Variants in CYFIP1 observed in about 807,000 individuals in gnomAD.
CYFIP1 encodes the protein cytoplasmic FMR1-interacting protein 1.
In CYFIP1, 58 loss-of-function variants were observed where a neutral mutation model predicts 163.5. The observed-to-expected ratio is 0.35, with a 90% CI of 0.29 to 0.44. The LOEUF (loss-of-function observed/expected upper bound fraction) is 0.44, where lower values mean the gene tolerates loss of function less well. Ranked by LOEUF, CYFIP1 falls within the 20% of genes least tolerant of loss-of-function variation. The probability of loss-of-function intolerance (pLI) is 1.00; values close to 1 mark genes in which losing one functional copy is unlikely to be tolerated. For synonymous variants in CYFIP1, 663 were observed against 660.7 expected (o/e 1.00, Z -0.05); for missense variants, 1,338 against 1,653.8 (o/e 0.81, Z 3.31).
chr15:22,876,534 A>G (rs1486808417), intron 26 of CYFIP1, among the ~76,000 whole-genome samples: 1 of 152,064 alleles, frequency 6.6e-6, no homozygotes, highest in Admixed American at 6.5e-5. Flanking sequence ...ATAGAACCAC[A>G]AGAGTTTGTT....
rs186652794 is a variant in CYFIP1 at position 22,962,264 on chromosome 15, C to T, written c.-6-14973G>A. Among the ~76,000 whole-genome samples, 6 of 151,646 alleles carry T rather than the reference C, an allele frequency of 4.0e-5. No homozygotes were observed. In the East Asian group the frequency reaches 1.2e-3, roughly 29 times the overall value. ...TAGTAATGTTTAATGATGTCAAAGA[C>T]GTGCGAACTCACTGCCCACACCGAA... is the stretch of plus-strand genomic sequence containing the variant. On this transcript the variant is annotated intron_variant, in intron 1 of 30. Coordinates refer to ENST00000617928, the MANE Select transcript of CYFIP1 (RefSeq NM_014608.6).
rs772456133 is a variant in CYFIP1 at position 22,914,840 on chromosome 15, C to A, written c.1871G>T (p.Arg624Leu). Residue 624 changes from arginine to leucine, a missense_variant, in exon 17 of 31, where the codon CGA becomes CTA. Transcript: ENST00000617928. ...CATGGTCAGCTCCAGGAAGAACTCT[C>A]GGAACCACAGCTGCGAAAGGTCACA... is the stretch of plus-strand genomic sequence containing the variant. ...QCCDLSQLWF[R>L]EFFLELTMGR... The A allele has an allele frequency of 6.2e-7, 1 of 1,613,520 alleles. No individual in the cohort carries two copies. Among genetic ancestry groups the A allele is most frequent in the Non-Finnish European group, 8.5e-7 (1 of 1,179,782 alleles).
chr15:22,971,001 G>A (rs542822714), intron 1 of CYFIP1, among the ~76,000 whole-genome samples: 9 of 152,092 alleles, frequency 5.9e-5, no homozygotes, highest in East Asian at 3.9e-4. Flanking sequence ...GCTTGAACCC[G>A]GGAGGCGGAG....
At chr15:22,979,043 T>C (rs1313618846) in intron 1 of CYFIP1, among the ~76,000 whole-genome samples, 1 of 152,202 alleles carries the variant, frequency 6.6e-6, no homozygotes, top group Non-Finnish European at 1.5e-5. Context: ...ACATTTTCTT[T>C]GAGCGCAGCA....
intron 1 of CYFIP1, among the ~76,000 whole-genome samples, chr15:22,950,891 G>A (rs2062227640): frequency 6.6e-6 from 1 of 152,122 alleles, no homozygotes; most frequent in African/African-American, 2.4e-5. Flanking sequence ...GGCACCAAAG[G>A]GCAAGAGAGA....
intron 28 of CYFIP1, among the ~76,000 whole-genome samples, 162 bp from the exon 29 acceptor site, chr15:22,873,891 A>C (rs1298869064): frequency 6.6e-6 from 1 of 152,208 alleles, no homozygotes; most frequent in Non-Finnish European, 1.5e-5. Context: ...TCCCAGGCTC[A>C]AGCGACCAGG....
rs74003067 is a variant in CYFIP1, at chr15:22,946,837, T to A, written c.207+166A>T. On this transcript the variant is annotated intron_variant, in intron 3 of 30. Coordinates refer to ENST00000617928, the MANE Select transcript of CYFIP1 (RefSeq NM_014608.6). ...TTTCAGAACCAGCATGTATTGTTTT[T>A]ACACTAAGAAAAGCAAAGACTGTCT... The A allele has an allele frequency of 0.014, 10,175 of 736,736 alleles. 694 individuals are homozygous for A. The African/African-American group carries it at 0.15, about 11-fold the overall frequency. The allele number at this position is 736,736 out of a possible 1,614,324, so 45.6% of individuals were successfully genotyped here. A position where few individuals can be genotyped will look rare whatever the true frequency, so the allele number is the denominator to read the frequency against.
intron 10 of CYFIP1, among the ~76,000 whole-genome samples, chr15:22,933,237 T>TCC (rs1320689034): frequency 6.6e-6 from 1 of 152,098 alleles, no homozygotes; most frequent in Non-Finnish European, 1.5e-5. Context: ...ATCTGTGCTG[T>TCC]CCAACACAGT....
intron 30 of CYFIP1, among the ~76,000 whole-genome samples, chr15:22,872,203 G>A (rs893209544): frequency 6.6e-6 from 1 of 151,378 alleles, no homozygotes; most frequent in African/African-American, 2.4e-5. Flanking sequence ...GCTGAGGCAG[G>A]AGAATCACTT....
At chr15:22,874,274 T>C (rs1415917540) in intron 28 of CYFIP1, among the ~76,000 whole-genome samples, 1 of 152,240 alleles carries the variant, frequency 6.6e-6, no homozygotes, top group East Asian at 1.9e-4. Context: ...GGGAAAGCCT[T>C]CTTCATGAAG....
intron 1 of CYFIP1, among the ~76,000 whole-genome samples, chr15:22,965,383 T>C (rs1033731341): frequency 2.6e-5 from 4 of 152,168 alleles, no homozygotes; most frequent in African/African-American, 7.2e-5. Flanking sequence ...TGCTTGAACC[T>C]GGAAGGCAGA....
At chr15:22,870,343 GATAGGGTCTCAC>G in intron 30 of CYFIP1, 151 bp from the exon 31 acceptor site, 1 of 853,890 alleles carries the variant, frequency 1.2e-6, no homozygotes, top group Non-Finnish European at 1.7e-6. Context: ...TTTTTTGTAA[GATAGGGTCTCAC>G]TCTGACGCCC....
Position 22,943,469 on chromosome 15 carries a change from G to A in CYFIP1, c.388-115C>T, listed in dbSNP as rs1052545047. The A allele has an allele frequency of 1.3e-5, 15 of 1,167,802 alleles. No individual in the cohort carries two copies. The African/African-American group carries it at 2.1e-4, about 17-fold the overall frequency. 72.3% of individuals were successfully genotyped at this position (1,167,802 alleles called of 1,614,324 possible). On this transcript the variant is annotated intron_variant, in intron 5 of 30. Transcript: ENST00000617928. ...CTCGATGAGAAACGATCTGCCCAGT[G>A]AGGCTCCAGGCCGAAGTGTTTACAA...
At position 22,917,324 on chromosome 15, in the gene CYFIP1, C is replaced by T. The variant is rs1434141062; in HGVS notation, c.1674+464G>A. 6 of 1,302,680 alleles carry T rather than the reference C, an allele frequency of 4.6e-6. No homozygotes were observed. Among genetic ancestry groups the T allele is most frequent in the South Asian group, 4.5e-5 (2 of 44,560 alleles). The allele number at this position is 1,302,680 out of a possible 1,614,324, so 80.7% of individuals were successfully genotyped here. On this transcript the variant is annotated intron_variant, in intron 15 of 30. Coordinates refer to ENST00000617928, the MANE Select transcript of CYFIP1 (RefSeq NM_014608.6). The surrounding 1 kb of genome is among the most constrained non-coding windows in gnomAD (Gnocchi z 4.2). Reference sequence around the variant, plus strand: ...TGTGGATTAAACCGGGTGTGAAAGTCGTGAGAAGCACCTCGGGGAGGCCTG... The same window carrying T: ...TGTGGATTAAACCGGGTGTGAAAGTTGTGAGAAGCACCTCGGGGAGGCCTG...
intron 9 of CYFIP1, among the ~76,000 whole-genome samples, chr15:22,935,867 T>G (rs777444481): frequency 1.1e-4 from 16 of 152,220 alleles, no homozygotes; most frequent in Admixed American, 4.6e-4. Context: ...TGTATGTGTA[T>G]CAAAACATCA....
At chr15:22,963,595 A>G (rs867830604) in intron 1 of CYFIP1, among the ~76,000 whole-genome samples, 3 of 151,820 alleles carry the variant, frequency 2.0e-5, no homozygotes, top group Non-Finnish European at 4.4e-5. Context: ...CTTTTTGTGA[A>G]CATAAGGGAA....
At chr15:22,873,768 A>C in intron 28 of CYFIP1, 39 bp from the exon 29 acceptor site, 1 of 1,536,478 alleles carries the variant, frequency 6.5e-7, no homozygotes, top group Non-Finnish European at 8.9e-7. Context: ...GTGGGCCTCC[A>C]GGCATCCAGC....
At chr15:22,968,568 T>A (rs1045044943) in intron 1 of CYFIP1, among the ~76,000 whole-genome samples, 2 of 152,168 alleles carry the variant, frequency 1.3e-5, no homozygotes, top group East Asian at 1.9e-4. Flanking sequence ...TCCACACGTA[T>A]CCTGCTGCTT....
At chr15:22,887,679 C>T (rs1447262358) in intron 23 of CYFIP1, among the ~76,000 whole-genome samples, 3 of 152,104 alleles carry the variant, frequency 2.0e-5, no homozygotes, top group African/African-American at 7.2e-5. Flanking sequence ...ATGACACATC[C>T]GAGAGACAAC....
Sources: gnomAD v4.1 joint callset for allele counts (sites outside exome capture counted in the v4.1 genomes callset) on GRCh38, gnomAD v4.1.1 for gene constraint, Gnocchi (gnomAD v3.1) non-coding constraint, MANE v1.5 for transcripts, NCBI Gene and HGNC (gene_info 2026-07-23, HGNC 2026-07-21) for gene names.